The following PRPF39 variants were observed in gnomAD, a reference collection of about 807,000 sequenced individuals.
PRPF39 encodes pre-mRNA-processing factor 39.
In PRPF39, 27 loss-of-function variants were observed where a neutral mutation model predicts 82.1. The ratio of observed to expected loss-of-function variants is 0.33; its 90% CI spans 0.24 to 0.45. PRPF39 has a LOEUF of 0.45. Among genes scored for constraint, PRPF39 ranks in the 20% least tolerant of loss-of-function variants. The pLI is 1.00. For synonymous variants in PRPF39, 261 were observed against 256.4 expected (o/e 1.02, Z -0.17); for missense variants, 581 against 796.9 (o/e 0.73, Z 3.26).
chr14:45,112,351 A>G lies in PRPF39; in HGVS notation c.1606A>G (p.Met536Val), dbSNP rs1458788354. Reference protein sequence around the residue: ...NTKLYLNLLEMEYSGDLKQNE... With the variant: ...NTKLYLNLLEVEYSGDLKQNE... ...AAAGTTATACCTCAATTTACTTGAA[A>G]TGGAATATAGTGGTGACCTCAAACA... The change falls in exon 11 of 14, where the codon ATG becomes GTG. Residue 536 changes from methionine to valine, a missense_variant. Physicochemically the swap from Met to Val is conservative, Grantham distance 21. Transcript: ENST00000355765. The G allele has an allele frequency of 1.3e-6, 2 of 1,565,290 alleles. No individual in the cohort carries two copies. The highest frequency in any genetic ancestry group is 2.8e-5 in the African/African-American group (2 of 71,746).
At position 45,110,358 on chromosome 14, in the gene PRPF39, C is replaced by T. The variant is rs1313669581; in HGVS notation, c.1303+138C>T. 5.3e-6 allele frequency: 7 copies of T among 1,318,868 alleles called. No individual in the cohort carries two copies. Among genetic ancestry groups the T allele is most frequent in the Middle Eastern group, 2.6e-4 (1 of 3,908 alleles). The allele number at this position is 1,318,868 out of a possible 1,614,324, so 81.7% of individuals were successfully genotyped here. On this transcript the variant is annotated intron_variant, in intron 9 of 13. Transcript: ENST00000355765. The surrounding 1 kb of genome is among the most constrained non-coding windows in gnomAD (Gnocchi z 4.0). ...CTAAAGGGCCAGATAGTAAAAGCCACGTGTTCTGACTTTCAGGCTTTGTAA... is the reference window on the plus strand; with the variant it reads ...CTAAAGGGCCAGATAGTAAAAGCCATGTGTTCTGACTTTCAGGCTTTGTAA...
chr14:45,107,428 AT>A (rs751607082), intron 5 of PRPF39, 22 bp from the exon 6 acceptor site: 80 of 1,453,492 alleles, frequency 5.5e-5, no homozygotes, highest in Admixed American at 1.0e-4. Context: ...TCAAATACAT[AT>A]ATTTTTATTG....
At chr14:45,109,811 TA>T (rs1310203566) in intron 8 of PRPF39, 31 bp downstream of exon 8, 1 of 1,559,682 alleles carries the variant, frequency 6.4e-7, no homozygotes, top group Non-Finnish European at 8.7e-7. Context: ...TAAACTTGAA[TA>T]TATTATAAAC....
chr14:45,089,996 G>A (rs888732697), intron 1 of PRPF39, among the ~76,000 whole-genome samples: 1 of 152,186 alleles, frequency 6.6e-6, no homozygotes, highest in African/African-American at 2.4e-5. Context: ...CAGGGGTGTG[G>A]TAAATTTGCT....
At chr14:45,111,779 A>G (rs1207372126) in intron 10 of PRPF39, among the ~76,000 whole-genome samples, 1 of 151,256 alleles carries the variant, frequency 6.6e-6, no homozygotes, top group Non-Finnish European at 1.5e-5. Flanking sequence ...GCTGGGATTA[A>G]AGGTGTGCAC....
intron 4 of PRPF39, among the ~76,000 whole-genome samples, chr14:45,100,453 T>C (rs1345593628): frequency 6.6e-6 from 1 of 152,214 alleles, no homozygotes. Flanking sequence ...ACTTGGGGAA[T>C]GGACACCTAG....
chr14:45,084,628 A>T (rs1160125627), intron 1 of PRPF39, among the ~76,000 whole-genome samples: 1 of 152,072 alleles, frequency 6.6e-6, no homozygotes, highest in African/African-American at 2.4e-5. Context: ...CCGCCAGAGG[A>T]TTGGGAAGAT....
intron 1 of PRPF39, among the ~76,000 whole-genome samples, chr14:45,094,823 A>G (rs1430835318): frequency 1.3e-5 from 2 of 152,236 alleles, no homozygotes; most frequent in African/African-American, 2.4e-5. Context: ...CCTCCAGAAC[A>G]GTTGTTAAAG....
At position 45,110,867 on chromosome 14, in the gene PRPF39, C is replaced by T. The variant is rs1481902146; in HGVS notation, c.1572+50C>T. The T allele has an allele frequency of 1.4e-6, 2 of 1,468,640 alleles. No homozygotes were observed. Among genetic ancestry groups the T allele is most frequent in the Non-Finnish European group, 1.8e-6 (2 of 1,088,928 alleles). 91.0% of individuals were successfully genotyped at this position (1,468,640 alleles called of 1,614,324 possible). A position where few individuals can be genotyped will look rare whatever the true frequency, so the allele number is the denominator to read the frequency against. On this transcript the variant is annotated intron_variant, in intron 10 of 13. Transcript: ENST00000355765. This position sits in a 1 kb window ranked among gnomAD's most constrained non-coding sequence, Gnocchi z 4.0. ...ATCTTCTATTAAAAAAACCAGTGGT[C>T]AGTGTATTTTCACTGTGGCAACTGT...
At chr14:45,102,456 C>G in intron 4 of PRPF39, 73 bp from the exon 5 acceptor site, 1 of 1,302,812 alleles carries the variant, frequency 7.7e-7, no homozygotes. Context: ...GCATTATCTT[C>G]TAAATTTAGA....
intron 1 of PRPF39, among the ~76,000 whole-genome samples, chr14:45,090,519 C>G (rs1566689983): frequency 6.6e-6 from 1 of 152,286 alleles, no homozygotes; most frequent in East Asian, 1.9e-4. Flanking sequence ...ATCATTTCTA[C>G]CTTCTTGTCT....
intron 4 of PRPF39, among the ~76,000 whole-genome samples, chr14:45,097,804 G>T (rs1456978974): frequency 6.6e-6 from 1 of 152,008 alleles, no homozygotes; most frequent in Non-Finnish European, 1.5e-5. Flanking sequence ...TAATGTACTT[G>T]TTTTTGGTTT....
chr14:45,105,588 G>A (rs928879291), intron 5 of PRPF39, among the ~76,000 whole-genome samples: 5 of 147,060 alleles, frequency 3.4e-5, no homozygotes, highest in South Asian at 2.1e-4. Context: ...TTGCAGTGGT[G>A]CAGTCTTGGC....
chr14:45,098,630 T>C (rs1305204121), intron 4 of PRPF39, among the ~76,000 whole-genome samples: 1 of 152,192 alleles, frequency 6.6e-6, no homozygotes, highest in Non-Finnish European at 1.5e-5. Context: ...TGTAGAAGGC[T>C]TTAAATATAG....
At position 45,085,592 on chromosome 14, in the gene PRPF39, G is replaced by A. The variant is rs564759327; in HGVS notation, c.-20+1343G>A. ...CAAATGGTACGTTTTCCAAAAAGCCGAAGATTGATGTAGACGTTTATGTAA... is the reference window on the plus strand; with the variant it reads ...CAAATGGTACGTTTTCCAAAAAGCCAAAGATTGATGTAGACGTTTATGTAA... On this transcript the variant is annotated intron_variant, in intron 1 of 13. Coordinates refer to ENST00000355765, the MANE Select transcript of PRPF39 (RefSeq NM_017922.4). Among the ~76,000 whole-genome samples the A allele has an allele frequency of 3.9e-5, 6 of 152,284 alleles. No individual in the cohort carries two copies. In the South Asian group the frequency reaches 1.0e-3, roughly 26 times the overall value.
At chr14:45,096,775 T>G (rs575292068) in intron 3 of PRPF39, 112 bp from the exon 4 acceptor site, 1 of 1,540,806 alleles carries the variant, frequency 6.5e-7, no homozygotes, top group East Asian at 2.5e-5. Flanking sequence ...GTAGATTATT[T>G]AAACAAAATT....
At chr14:45,087,964 T>A (rs1189770522) in intron 1 of PRPF39, among the ~76,000 whole-genome samples, 1 of 152,108 alleles carries the variant, frequency 6.6e-6, no homozygotes, top group Non-Finnish European at 1.5e-5. Context: ...ATACTGGGTT[T>A]TAGTATGGGT....
At chr14:45,096,040 A>G in intron 2 of PRPF39, 63 bp from the exon 3 acceptor site, 1 of 1,385,910 alleles carries the variant, frequency 7.2e-7, no homozygotes, top group Non-Finnish European at 9.9e-7. Context: ...GTTTGAAAGG[A>G]ATAATAAATA....
At chr14:45,102,061 C>G (rs1260161876) in intron 4 of PRPF39, among the ~76,000 whole-genome samples, 2 of 152,094 alleles carry the variant, frequency 1.3e-5, no homozygotes, top group Non-Finnish European at 2.9e-5. Flanking sequence ...CCCGCCTCAG[C>G]CTCCCTAAGT....
Sources: gnomAD v4.1 joint callset for allele counts (sites outside exome capture counted in the v4.1 genomes callset) on GRCh38, gnomAD v4.1.1 for gene constraint, Gnocchi (gnomAD v3.1) non-coding constraint, MANE v1.5 for transcripts, NCBI Gene and HGNC (gene_info 2026-07-23, HGNC 2026-07-21) for gene names.